The following RNF213 variants were observed in gnomAD, a reference collection of about 807,000 sequenced individuals.
RNF213 encodes E3 ubiquitin-protein ligase RNF213.
A neutral mutation model predicts 514.4 loss-of-function variants in RNF213; 341 were observed. The ratio of observed to expected loss-of-function variants is 0.66; its 90% CI spans 0.61 to 0.73. The LOEUF (loss-of-function observed/expected upper bound fraction) is 0.73. Ranked by LOEUF, RNF213 falls within the 30% of genes least tolerant of loss-of-function variation. The probability of loss-of-function intolerance (pLI) is 0.00; values close to 1 mark genes in which losing one functional copy is unlikely to be tolerated. For missense variants in RNF213, 5,767 were observed against 6,615.6 expected (o/e 0.87, Z 4.45); for synonymous variants, 2,655 against 2,658.2 (o/e 1.00, Z 0.04).
In RNF213 at chr17:80,388,737, AGT is replaced by A. The variant is rs1335961801; in HGVS notation, c.15000+53_15000+54del. ...TGTGCACGGGGCTTTCTGCCTTCTCAGTGTGTTTCCCTCCGTGTTAGGCCTAC... is the reference window on the plus strand; with the variant it reads ...TGTGCACGGGGCTTTCTGCCTTCTCAGTGTTTCCCTCCGTGTTAGGCCTAC... On this transcript the variant is annotated intron_variant, in intron 64 of 67. Coordinates refer to ENST00000582970, the MANE Select transcript of RNF213 (RefSeq NM_001256071.3). 7.2e-6 allele frequency: 10 copies of A among 1,396,408 alleles called. No individual in the cohort carries two copies. In the African/African-American group the frequency reaches 8.5e-5, roughly 12 times the overall value. The allele number at this position is 1,396,408 out of a possible 1,614,324, so 86.5% of individuals were successfully genotyped here.
At position 80,385,048 on chromosome 17, in the gene RNF213, C is replaced by G; in HGVS notation, c.14332C>G (p.Leu4778Val). The change falls in exon 60 of 68, where the codon CTG becomes GTG. Residue 4778 changes from leucine to valine, a missense_variant. This residue lies in a region of RNF213 where 1,245 missense variants were observed against 1,339.0 expected (regional missense o/e 0.93). Coordinates refer to ENST00000582970, the MANE Select transcript of RNF213 (RefSeq NM_001256071.3). ...GTCTTCCCTTCTCCAGGAAGCAGAG[C>G]TGAGGCTGGTAAAGTTCCTGCCTGA... is the stretch of plus-strand genomic sequence containing the variant. The part of the protein sequence containing the change: ...LWHFLQKEAE[L>V]RLVKFLPEIL... 1 of 1,614,176 alleles carries G rather than the reference C, an allele frequency of 6.2e-7. No homozygotes were observed. The highest frequency in any genetic ancestry group is 8.5e-7 in the Non-Finnish European group (1 of 1,180,028).
intron 2 of RNF213, among the ~76,000 whole-genome samples, chr17:80,265,923 AG>A (rs2043597383): frequency 6.6e-6 from 1 of 152,108 alleles, no homozygotes; most frequent in Non-Finnish European, 1.5e-5. Context: ...AGAAAAAAAA[AG>A]TGAGGACATT....
intron 1 of RNF213, among the ~76,000 whole-genome samples, chr17:80,262,034 T>C (rs2145057184): frequency 6.6e-6 from 1 of 152,214 alleles, no homozygotes; most frequent in South Asian, 2.1e-4. Context: ...TTGGAGGATT[T>C]TTCGAGTTTT....
intron 8 of RNF213, chr17:80,292,153 C>T (rs1292552314): frequency 7.5e-6 from 3 of 398,664 alleles, no homozygotes; most frequent in African/African-American, 2.1e-5. Flanking sequence ...GGTGCGATCT[C>T]GGCTCACTGC....
rs534885407 is a variant in RNF213 at position 80,343,535 on chromosome 17, G to A, written c.6183+210G>A. 9.8e-5 allele frequency among the ~76,000 whole-genome samples: 15 copies of A among 152,296 alleles called. No individual in the cohort carries two copies. In the South Asian group the frequency reaches 2.7e-3, roughly 27 times the overall value. On this transcript the variant is annotated intron_variant, in intron 27 of 67. Coordinates refer to ENST00000582970, the MANE Select transcript of RNF213 (RefSeq NM_001256071.3). This position sits in a 1 kb window ranked among gnomAD's most constrained non-coding sequence, Gnocchi z 4.3. ...GGTGTGCGCTTACACTAACCTAGAC[G>A]TAGAGCCCACTGCACACACAGGCTT...
At chr17:80,333,242 A>G (rs75698793) in intron 21 of RNF213, among the ~76,000 whole-genome samples, 2 of 136,074 alleles carry the variant, frequency 1.5e-5, no homozygotes, top group Non-Finnish European at 3.2e-5. Flanking sequence ...TTTTTTTTTT[A>G]GCAGAGACAG....
chr17:80,330,531 T>C lies in RNF213; in HGVS notation c.3518-1475T>C, dbSNP rs1369765740. ...TGGCATCCCGTGCGTGGTCCTCCCA[T>C]GGCCCGTGTTCTCAGTGTGGTTCTC... is the stretch of plus-strand genomic sequence containing the variant. On this transcript the variant is annotated intron_variant, in intron 20 of 67. Transcript: ENST00000582970. Among the ~76,000 whole-genome samples the C allele has an allele frequency of 2.0e-5, 3 of 152,216 alleles. No individual in the cohort carries two copies. The East Asian group carries it at 5.8e-4, about 29-fold the overall frequency.
chr17:80,387,898 T>A (rs892779537), intron 63 of RNF213, among the ~76,000 whole-genome samples: 1 of 152,048 alleles, frequency 6.6e-6, no homozygotes, highest in Non-Finnish European at 1.5e-5. Flanking sequence ...TCATATCTAC[T>A]GTACTTATGT....
At position 80,332,029 on chromosome 17, in the gene RNF213, A is replaced by C. The variant is rs1286053395; in HGVS notation, c.3541A>C (p.Arg1181=). The C allele has an allele frequency of 1.3e-6, 2 of 1,536,638 alleles. No homozygotes were observed. Among genetic ancestry groups the C allele is most frequent in the East Asian group, 2.4e-5 (1 of 40,906 alleles). The stretch of plus-strand genomic sequence containing the variant: ...AGTGGACTTTGGAGTGCTTGCAGTA[A>C]GACACTCACAAGACCTCAGCAGTAA... The part of the protein sequence containing the change: ...IQVDFGVLAV[R]HSQDLSSKRL... The change falls in exon 21 of 68, where the codon AGA becomes CGA. Residue 1181 remains arginine, a synonymous_variant. Transcript: ENST00000582970.
At chr17:80,291,600 T>G in intron 7 of RNF213, 28 bp from the exon 8 acceptor site, 1 of 1,612,422 alleles carries the variant, frequency 6.2e-7, no homozygotes, top group Middle Eastern at 1.7e-4. Context: ...GAATTTTGGA[T>G]AGCCAACCGT....
intron 15 of RNF213, among the ~76,000 whole-genome samples, chr17:80,314,232 GTGA>G (rs1272787264): frequency 2.7e-5 from 3 of 111,172 alleles, no homozygotes; most frequent in African/African-American, 1.1e-4. Context: ...GGTGGTGAAG[GTGA>G]TGGTGGAGGT....
At position 80,347,263 on chromosome 17, in the gene RNF213, G is replaced by C; in HGVS notation, c.8928G>C (p.Pro2976=). The change falls in exon 29 of 68, where the codon CCG becomes CCC. Residue 2976 remains proline, a synonymous_variant. Transcript: ENST00000582970. The surrounding 1 kb of genome is among the most constrained non-coding windows in gnomAD (Gnocchi z 7.2). ...AGGCTTCAAATAGAAAGCCTTCCCCGCAAGACATTGCACAGGCTGTCCTTA... is the reference window on the plus strand; with the variant it reads ...AGGCTTCAAATAGAAAGCCTTCCCCCCAAGACATTGCACAGGCTGTCCTTA... ...AAKASNRKPS[P]QDIAQAVLRN... 6.2e-7 allele frequency: 1 copy of C among 1,613,424 alleles called. No individual in the cohort carries two copies. Among genetic ancestry groups the C allele is most frequent in the Non-Finnish European group, 8.5e-7 (1 of 1,179,764 alleles).
At position 80,344,940 on chromosome 17, in the gene RNF213, T is replaced by C. The variant is rs773491121; in HGVS notation, c.6605T>C (p.Leu2202Pro). Residue 2202 changes from leucine (L) to proline (P), a missense_variant, in exon 29 of 68, where the codon CTG becomes CCG. Around this residue, in one of 13 missense-constraint regions of RNF213, gnomAD observed 1,377 missense variants for 1,635.2 expected, o/e 0.84. Transcript: ENST00000582970. ...CCGGAGGAATGCCTCCAGCATTTCC[T>C]GTTTCACTGCGGGGTAATAAACCCA... ...GTPEECLQHF[L>P]FHCGVINPSW... is the part of the protein sequence containing the mutation. The C allele has an allele frequency of 1.2e-6, 2 of 1,614,206 alleles. No homozygotes were observed. The highest frequency in any genetic ancestry group is 3.3e-5 in the Admixed American group (2 of 60,024).
intron 18 of RNF213, among the ~76,000 whole-genome samples, chr17:80,325,519 T>C (rs4889843): frequency 0.41 from 61,690 of 151,750 alleles, 13,228 homozygotes; most frequent in Non-Finnish European, 0.46. Flanking sequence ...AGGAAACAAA[T>C]GGAGAAGGCA....
intron 3 of RNF213, among the ~76,000 whole-genome samples, 188 bp from the exon 4 acceptor site, chr17:80,287,627 C>T (rs2044519591): frequency 6.6e-6 from 1 of 152,166 alleles, no homozygotes. Context: ...TTGCCCCGAC[C>T]CTGCCCACCC....
chr17:80,286,319 C>T (rs1370386348), intron 3 of RNF213, among the ~76,000 whole-genome samples: 2 of 152,142 alleles, frequency 1.3e-5, no homozygotes, highest in Non-Finnish European at 2.9e-5. Context: ...TTTGTGTACA[C>T]TGAGCATGGG....
At chr17:80,312,780 C>A (rs1339728754) in intron 14 of RNF213, among the ~76,000 whole-genome samples, 1 of 152,164 alleles carries the variant, frequency 6.6e-6, no homozygotes, top group Non-Finnish European at 1.5e-5. Context: ...GATGCCGTTC[C>A]CTCCCTCCCT....
At chr17:80,385,247 G>T in intron 60 of RNF213, 76 bp downstream of exon 60, 1 of 1,581,618 alleles carries the variant, frequency 6.3e-7, no homozygotes. Flanking sequence ...AGGGGAACAG[G>T]GTGGGGCGGA....
chr17:80,275,711 G>C (rs1448866979), intron 3 of RNF213, among the ~76,000 whole-genome samples: 1 of 151,908 alleles, frequency 6.6e-6, no homozygotes, highest in Non-Finnish European at 1.5e-5. Flanking sequence ...GCCCAGGCTG[G>C]AGTGCAGTGG....
Sources: allele counts gnomAD v4.1 joint callset (sites outside exome capture counted in the v4.1 genomes callset), GRCh38; gene constraint gnomAD v4.1.1; regional missense constraint gnomAD v4.1.1; non-coding constraint Gnocchi (gnomAD v3.1); transcripts MANE v1.5; gene names NCBI Gene and HGNC (gene_info 2026-07-23, HGNC 2026-07-21).